TLL2: variants seen among roughly 807,000 people sequenced by gnomAD.
TLL2 encodes tolloid like 2.
Under a neutral mutation model 123.0 loss-of-function variants are expected in TLL2, and 106 were observed. The observed-to-expected ratio is 0.86, with a 90% CI of 0.74 to 1.01. The LOEUF (loss-of-function observed/expected upper bound fraction) is 1.01, where lower values mean the gene tolerates loss of function less well. TLL2 is among the 50% of genes least tolerant of loss of function. The pLI, the probability that TLL2 is intolerant of heterozygous loss-of-function variation, is 0.00. For missense variants in TLL2, 1,332 were observed against 1,336.7 expected (o/e 1.00, Z 0.06); for synonymous variants, 494 against 516.8 (o/e 0.96, Z 0.60).
At chr10:96,472,275 C>T (rs150761394) in intron 2 of TLL2, among the ~76,000 whole-genome samples, 32 of 152,284 alleles carry the variant, frequency 2.1e-4, no homozygotes, top group Admixed American at 1.8e-3. Flanking sequence ...ATCGAGACAT[C>T]GTCCCTTCTG....
At chr10:96,379,303 T>C (rs1267831730) in intron 16 of TLL2, among the ~76,000 whole-genome samples, 2 of 152,170 alleles carry the variant, frequency 1.3e-5, no homozygotes, top group Admixed American at 6.5e-5. Context: ...ATGTGTTGAA[T>C]TCTCCAAGTA....
intron 1 of TLL2, among the ~76,000 whole-genome samples, chr10:96,486,983 A>G (rs874370): frequency 0.38 from 57,958 of 152,126 alleles, 11,377 homozygotes; most frequent in Middle Eastern, 0.54. Flanking sequence ...CCTTGCAGGG[A>G]AATCCTTTAC....
Position 96,376,747 on chromosome 10 carries a change from C to A in TLL2, c.2393G>T (p.Ser798Ile). 1.9e-6 allele frequency: 3 copies of A among 1,605,898 alleles called. No homozygotes were observed. The highest frequency in any genetic ancestry group is 2.5e-6 in the Non-Finnish European group (3 of 1,176,754). ...GATGTTCCAGGTACACTCCCTCCGG[C>A]TGGGGTATTTGTCAGGCCAGTTGGG... ...ASPNWPDKYP[S>I]RRECTWNISS... Residue 798 changes from serine to isoleucine, a missense_variant, in exon 18 of 21, where the codon AGC (serine) becomes ATC (isoleucine). By Grantham distance (142) the Ser-to-Ile change is moderately radical (BLOSUM62 -2). Coordinates refer to ENST00000357947, the MANE Select transcript of TLL2 (RefSeq NM_012465.4).
intron 6 of TLL2, among the ~76,000 whole-genome samples, chr10:96,421,288 T>C (rs1322256978): frequency 6.6e-6 from 1 of 152,116 alleles, no homozygotes. Context: ...TATCCCCAAA[T>C]GCCACTCAAA....
chr10:96,466,807 A>C (rs1171034484), intron 2 of TLL2, among the ~76,000 whole-genome samples: 1 of 152,248 alleles, frequency 6.6e-6, no homozygotes, highest in Non-Finnish European at 1.5e-5. Flanking sequence ...TAATGTATGC[A>C]GCAGACACCA....
rs529533186 is a variant in TLL2, at chr10:96,365,796, T to A, written c.*2292A>T. Reference sequence around the variant, plus strand: ...CCCCAGCTGAATCAGAGCTTCTCTTTTCTGTGGATACGTCACACAGAAGGC... The same window carrying A: ...CCCCAGCTGAATCAGAGCTTCTCTTATCTGTGGATACGTCACACAGAAGGC... On this transcript the variant is annotated 3_prime_UTR_variant, in exon 21 of 21. Transcript: ENST00000357947. 1.2e-3 allele frequency: 179 copies of A among 152,390 alleles called. No homozygotes were observed. Among genetic ancestry groups the A allele is most frequent in the African/African-American group, 4.1e-3 (171 of 41,602 alleles). The allele number at this position is 152,390 out of a possible 1,614,324, so 9.4% of individuals were successfully genotyped here. A position where few individuals can be genotyped will look rare whatever the true frequency, so the allele number is the denominator to read the frequency against.
intron 2 of TLL2, among the ~76,000 whole-genome samples, chr10:96,475,986 A>G (rs1313162070): frequency 6.6e-6 from 1 of 151,592 alleles, no homozygotes; most frequent in Non-Finnish European, 1.5e-5. Context: ...CTTGCCTTCC[A>G]CCATGATTGT....
intron 1 of TLL2, among the ~76,000 whole-genome samples, chr10:96,498,313 C>T (rs1227886905): frequency 2.6e-5 from 4 of 152,192 alleles, no homozygotes; most frequent in Non-Finnish European, 1.5e-5. Flanking sequence ...TACTGCCCCT[C>T]CCAGGCCTTC....
chr10:96,481,304 G>A (rs551247167), intron 1 of TLL2, among the ~76,000 whole-genome samples: 6 of 152,144 alleles, frequency 3.9e-5, no homozygotes, highest in East Asian at 1.9e-4. Flanking sequence ...GTGACACCAC[G>A]CCTGGCTAAT....
chr10:96,440,022 T>G (rs1051557852), intron 3 of TLL2, among the ~76,000 whole-genome samples: 5 of 152,234 alleles, frequency 3.3e-5, no homozygotes, highest in African/African-American at 1.2e-4. Flanking sequence ...CAGCTGGAGT[T>G]TAGAAGCACC....
rs34593980 is a variant in TLL2, at chr10:96,435,035, C to CT, written c.365-2074dup. On this transcript the variant is annotated intron_variant, in intron 3 of 20. Transcript: ENST00000357947. ...TATTTATTCATTTCCTTTTTTTTTT[C>CT]TTTTTTTTTTTTTTGAGACGGAGTC... 6.0e-3 allele frequency among the ~76,000 whole-genome samples: 780 copies of CT among 130,342 alleles called. 9 individuals carry two copies. The highest frequency in any genetic ancestry group is 0.014 in the African/African-American group (469 of 34,232). 85.5% of individuals were successfully genotyped at this position (130,342 alleles called of 152,430 possible). A position where few individuals can be genotyped will look rare whatever the true frequency, so the allele number is the denominator to read the frequency against.
chr10:96,396,539 G>C (rs1024297275), intron 11 of TLL2, among the ~76,000 whole-genome samples: 2 of 142,746 alleles, frequency 1.4e-5, no homozygotes, highest in African/African-American at 3.0e-5. Context: ...GGTAATGTAA[G>C]GCCAAAGGAC....
chr10:96,389,510 T>C (rs758342196), intron 13 of TLL2, among the ~76,000 whole-genome samples: 9 of 151,982 alleles, frequency 5.9e-5, no homozygotes, highest in Non-Finnish European at 1.0e-4. Context: ...GCTTCAAGGA[T>C]GGGCCAGTGG....
intron 2 of TLL2, among the ~76,000 whole-genome samples, chr10:96,469,902 T>C (rs772639814): frequency 4.6e-5 from 7 of 151,374 alleles, no homozygotes; most frequent in South Asian, 2.1e-4. Flanking sequence ...CAGGGAAGAG[T>C]GTGGGGAATG....
intron 2 of TLL2, among the ~76,000 whole-genome samples, chr10:96,462,347 T>C (rs552782371): frequency 9.2e-5 from 14 of 152,336 alleles, no homozygotes; most frequent in African/African-American, 3.4e-4. Context: ...GAGGTACTTT[T>C]GTCCTGCAGA....
In TLL2 at chr10:96,422,600, G is replaced by A. The variant is rs948769671; in HGVS notation, c.766C>T (p.Arg256Trp). 3.1e-6 allele frequency: 5 copies of A among 1,614,012 alleles called. No homozygotes were observed. The highest frequency in any genetic ancestry group is 2.7e-5 in the African/African-American group (2 of 74,910). Residue 256 changes from arginine (R) to tryptophan (W), a missense_variant, in exon 6 of 21, where the codon CGG becomes TGG. Transcript: ENST00000357947. ...GTGACATGTTGGTCTCTGTCTGGCC[G>A]GGTGTGTTCATGCCAAAACCCAACC... ...HVVGFWHEHT[R>W]PDRDQHVTII...
At chr10:96,404,898 A>T (rs1434934974) in intron 10 of TLL2, among the ~76,000 whole-genome samples, 1 of 152,116 alleles carries the variant, frequency 6.6e-6, no homozygotes, top group Non-Finnish European at 1.5e-5. Flanking sequence ...AAAAAGATGG[A>T]TCATAATTTA....
At position 96,420,896 on chromosome 10, in the gene TLL2, C is replaced by T; in HGVS notation, c.923+60G>A. On this transcript the variant is annotated intron_variant, in intron 7 of 20. Transcript: ENST00000357947. ...CACTCTCCGCAGACCTCCAGGAATC[C>T]AACCCAAGCCTGCCGCAGGCACAGT... 10 of 1,523,918 alleles carry T rather than the reference C, an allele frequency of 6.6e-6. No homozygotes were observed. The South Asian group carries it at 9.0e-5, about 14-fold the overall frequency. 94.4% of individuals were successfully genotyped at this position (1,523,918 alleles called of 1,614,324 possible). A position where few individuals can be genotyped will look rare whatever the true frequency, so the allele number is the denominator to read the frequency against.
At chr10:96,374,032 A>G (rs1799091193) in intron 18 of TLL2, 2 of 553,230 alleles carry the variant, frequency 3.6e-6, no homozygotes, top group Non-Finnish European at 6.5e-6. Flanking sequence ...AAGTAGTTAC[A>G]TGAGCTATTG....
Sources: allele counts gnomAD v4.1 joint callset (sites outside exome capture counted in the v4.1 genomes callset), GRCh38; gene constraint gnomAD v4.1.1; transcripts MANE v1.5; gene names NCBI Gene and HGNC (gene_info 2026-07-23, HGNC 2026-07-21).